Variants in PIN4 observed in about 807,000 individuals in gnomAD.
The protein encoded by PIN4 is peptidyl-prolyl cis-trans isomerase NIMA-interacting 4.
In PIN4, 3 loss-of-function variants were observed where a neutral mutation model predicts 8.3. The ratio of observed to expected loss-of-function variants is 0.36; its 90% confidence interval spans 0.16 to 0.93. PIN4 has a LOEUF of 0.93. Among genes scored for constraint, PIN4 ranks in the 40% least tolerant of loss-of-function variants. The probability of loss-of-function intolerance (pLI) is 0.44; values close to 1 mark genes in which losing one functional copy is unlikely to be tolerated. For missense variants in PIN4, 75 were observed against 100.6 expected, an observed-to-expected ratio of 0.75 and a Z score of 1.09; for synonymous variants, 18 against 32.5, an observed-to-expected ratio of 0.55 and a Z score of 1.52.
In PIN4 at chrX:72,252,620, C is replaced by A. The variant is rs906910381; in HGVS notation, c.313-10087C>A. ...GGCCAGGCTGGTCTCGAACTCCTGG[C>A]CTCAAGTGATCTGCCCGCCTTGGCC... is the stretch of plus-strand genomic sequence containing the variant. On this transcript the variant is annotated intron_variant, in intron 3 of 3. Transcript: ENST00000423432. 4.5e-5 allele frequency among the ~76,000 whole-genome samples: 5 copies of A among 111,964 alleles called. No individual in the cohort carries two copies. The Admixed American group carries it at 4.7e-4, about 11-fold the overall frequency.
intron 2 of PIN4, among the ~76,000 whole-genome samples, chrX:72,188,091 A>G (rs1001086800): frequency 9.0e-6 from 1 of 111,612 alleles, no homozygotes; most frequent in Non-Finnish European, 1.9e-5. Context: ...GCATCCAATC[A>G]TGTGAAGTGG....
chrX:72,226,420 A>G (rs1272334602), intron 3 of PIN4, among the ~76,000 whole-genome samples: 1 of 112,143 alleles, frequency 8.9e-6, no homozygotes, highest in Non-Finnish European at 1.9e-5. Flanking sequence ...TTGCCCTAAT[A>G]AGAGCACTAA....
downstream of PIN4, among the ~76,000 whole-genome samples, chrX:72,203,037 C>CCTAA (rs202085471): frequency 1.9e-3 from 213 of 111,280 alleles, no homozygotes; most frequent in East Asian, 0.014. Context: ...AACGTTCAGC[C>CCTAA]CTAACTGCAA....
At chrX:72,190,360 G>A (rs2042725640) in intron 2 of PIN4, among the ~76,000 whole-genome samples, 2 of 111,236 alleles carry the variant, frequency 1.8e-5, no homozygotes, top group Admixed American at 1.9e-4. Flanking sequence ...TATTTAAGGT[G>A]ATGGATATTC....
At chrX:72,239,151 G>T in intron 3 of PIN4, 1 of 386,763 alleles carries the variant, frequency 2.6e-6, no homozygotes, top group Non-Finnish European at 4.6e-6. Context: ...GCGCCTACGC[G>T]CGCCGGGAAG....
intron 3 of PIN4, chrX:72,205,325 C>A (rs78660817): frequency 8.3e-7 from 1 of 1,210,411 alleles, no homozygotes; most frequent in African/African-American, 1.7e-5. Context: ...AGTGTTTCTC[C>A]GGAAGGATCC....
chrX:72,191,548 C>T (rs944899516), intron 2 of PIN4, among the ~76,000 whole-genome samples: 2 of 96,220 alleles, frequency 2.1e-5, no homozygotes, highest in Non-Finnish European at 4.2e-5. Context: ...GAGACTCCAT[C>T]TCAAAAAACA....
Position 72,190,027 on chromosome X carries a change from C to T in PIN4, c.117+3493C>T, listed in dbSNP as rs192412238. ...AGACCCATCCACTGACCACAGCTTCCCTCCTTCCCCTTCCCTTCCTGCCTC... is the reference window on the plus strand; with the variant it reads ...AGACCCATCCACTGACCACAGCTTCTCTCCTTCCCCTTCCCTTCCTGCCTC... On this transcript the variant is annotated intron_variant, in intron 2 of 3. Transcript: ENST00000373669. Among the ~76,000 whole-genome samples, 129 of 110,843 alleles carry T rather than the reference C, an allele frequency of 1.2e-3. 1 individual carries two copies. Among genetic ancestry groups the T allele is most frequent in the Middle Eastern group, 4.6e-3 (1 of 216 alleles).
At position 72,233,693 on chromosome X, in the gene PIN4, G is replaced by T. The variant is rs1461311581; in HGVS notation, c.313-29014G>T. Among the ~76,000 whole-genome samples the T allele has an allele frequency of 4.1e-5, 4 of 96,538 alleles. No individual in the cohort carries two copies. The Admixed American group carries it at 4.7e-4, about 11-fold the overall frequency. The allele number at this position is 96,538 out of a possible 115,157, so 83.8% of individuals were successfully genotyped here. ...GCCGAGATTGCGCCACCACACTCCAGCCCGGATGACACTGCAAGACTCCGT... is the reference window on the plus strand; with the variant it reads ...GCCGAGATTGCGCCACCACACTCCATCCCGGATGACACTGCAAGACTCCGT... On this transcript the variant is annotated intron_variant, in intron 3 of 3. Coordinates refer to the PIN4 transcript ENST00000423432.
intron 1 of PIN4, 126 bp downstream of exon 1, chrX:72,181,954 C>T: frequency 2.0e-6 from 1 of 511,655 alleles, no homozygotes; most frequent in East Asian, 3.6e-5. Context: ...GTGCTGCCAT[C>T]GATTACATCT....
intron 3 of PIN4, chrX:72,238,726 C>T (rs555774293): frequency 6.4e-6 from 4 of 628,829 alleles, no homozygotes; most frequent in African/African-American, 2.2e-5. Flanking sequence ...AGAGCGCGAG[C>T]GCGCGTCTCA....
chrX:72,206,029 G>T (rs763268011), intron 3 of PIN4: 1 of 1,211,398 alleles, frequency 8.3e-7, no homozygotes, highest in African/African-American at 1.7e-5. Context: ...TTCAATAATG[G>T]ATACATTTGA....
At chrX:72,206,500 G>C in intron 3 of PIN4, 3 of 1,211,592 alleles carry the variant, frequency 2.5e-6, no homozygotes, top group Non-Finnish European at 3.4e-6. Flanking sequence ...ACTTAGAAGA[G>C]GTGAAGGCTG....
At chrX:72,214,999 CAAACAAAA>C (rs898952974) in intron 3 of PIN4, among the ~76,000 whole-genome samples, 17 of 111,494 alleles carry the variant, frequency 1.5e-4, no homozygotes, top group African/African-American at 5.5e-4. Context: ...AACAAACAAA[CAAACAAAA>C]AAACCCACCA....
chrX:72,262,870 C>A, exon 4 of PIN4: 1 of 589,052 alleles, frequency 1.7e-6, no homozygotes, highest in Non-Finnish European at 2.7e-6. Flanking sequence ...CAGAAGGTGA[C>A]ATTTTCTGAC....
At chrX:72,219,586 G>A (rs927934130) in intron 3 of PIN4, among the ~76,000 whole-genome samples, 2 of 110,013 alleles carry the variant, frequency 1.8e-5, no homozygotes, top group Non-Finnish European at 3.8e-5. Flanking sequence ...GATAGCTCAT[G>A]CCTGTAATCC....
At chrX:72,242,122 GGTT>G (rs1303722863) in intron 3 of PIN4, among the ~76,000 whole-genome samples, 6 of 111,620 alleles carry the variant, frequency 5.4e-5, no homozygotes, top group Non-Finnish European at 1.1e-4. Context: ...GGCCCCTGGT[GGTT>G]GTTGTAGGCA....
At chrX:72,201,325 C>T (rs1222725306), downstream of PIN4, among the ~76,000 whole-genome samples, 5 of 112,729 alleles carry the variant, frequency 4.4e-5, no homozygotes, top group African/African-American at 6.4e-5. Flanking sequence ...CAGTGGCTCA[C>T]GCCTGTAATC....
At chrX:72,206,811 A>C (rs1238680107) in intron 3 of PIN4, 2 of 1,211,217 alleles carry the variant, frequency 1.7e-6, no homozygotes, top group Admixed American at 4.3e-5. Flanking sequence ...GTTTTATATC[A>C]GATTTCCTCT....
Sources: gnomAD v4.1 joint callset for allele counts (sites outside exome capture counted in the v4.1 genomes callset) on GRCh38, gnomAD v4.1.1 for gene constraint, MANE v1.5 for transcripts, NCBI Gene and HGNC (gene_info 2026-07-23, HGNC 2026-07-21) for gene names.